HS6ST3: variants seen among roughly 807,000 people sequenced by gnomAD.
HS6ST3 encodes heparan-sulfate 6-O-sulfotransferase 3.
HS6ST3 carries 12 observed loss-of-function variants against 36.7 expected under a neutral mutation model. That is an observed-to-expected ratio of 0.33 (90% CI 0.21 to 0.53). HS6ST3 has a LOEUF of 0.53. Ranked by LOEUF, HS6ST3 falls within the 20% of genes least tolerant of loss-of-function variation. The pLI, the probability that HS6ST3 is intolerant of heterozygous loss-of-function variation, is 0.95. For synonymous variants in HS6ST3, 240 were observed against 257.5 expected, an observed-to-expected ratio of 0.93 and a Z score of 0.65; for missense variants, 584 against 640.9, an observed-to-expected ratio of 0.91 and a Z score of 0.96.
intron 1 of HS6ST3, among the ~76,000 whole-genome samples, chr13:96,162,851 GT>G (rs1327400909): frequency 1.3e-5 from 2 of 151,830 alleles, no homozygotes; most frequent in Non-Finnish European, 2.9e-5. Flanking sequence ...ATTAACTATT[GT>G]GTTTGGTTAT....
At chr13:96,400,931 A>T (rs2139457247) in intron 1 of HS6ST3, among the ~76,000 whole-genome samples, 1 of 152,284 alleles carries the variant, frequency 6.6e-6, no homozygotes, top group African/African-American at 2.4e-5. Flanking sequence ...TAAGGGAGAT[A>T]GAAATGGACA....
intron 1 of HS6ST3, among the ~76,000 whole-genome samples, chr13:96,831,980 A>AAAAAAAAAAAAAAC (rs1339637754): frequency 2.8e-5 from 4 of 141,906 alleles, no homozygotes; most frequent in African/African-American, 1.0e-4. Context: ...AAAAAAAAAA[A>AAAAAAAAAAAAAAC]CAGAGATTAA....
intron 1 of HS6ST3, among the ~76,000 whole-genome samples, chr13:96,523,022 G>T (rs113718305): frequency 6.6e-6 from 1 of 152,036 alleles, no homozygotes; most frequent in Non-Finnish European, 1.5e-5. Flanking sequence ...TCTATGTTTA[G>T]TGCTTCCTTC....
chr13:96,132,121 T>TACACAC lies in HS6ST3; in HGVS notation c.707+40598_707+40603dup, dbSNP rs60692669. ...TTTTTCAGACTGAATAGTATTCCAG[T>TACACAC]ACACACACACACACACACACACACA... On this transcript the variant is annotated intron_variant, in intron 1 of 1. Coordinates refer to ENST00000376705, the MANE Select transcript of HS6ST3 (RefSeq NM_153456.4). Among the ~76,000 whole-genome samples the TACACAC allele has an allele frequency of 3.5e-3, 474 of 134,588 alleles. 1 individual carries two copies. Among genetic ancestry groups the TACACAC allele is most frequent in the South Asian group, 6.5e-3 (24 of 3,670 alleles). The allele number at this position is 134,588 out of a possible 152,430, so 88.3% of individuals were successfully genotyped here. A position where few individuals can be genotyped will look rare whatever the true frequency, so the allele number is the denominator to read the frequency against.
At chr13:96,273,240 G>A (rs538658774) in intron 1 of HS6ST3, among the ~76,000 whole-genome samples, 1 of 152,040 alleles carries the variant, frequency 6.6e-6, no homozygotes, top group South Asian at 2.1e-4. Flanking sequence ...GCTATGGCTA[G>A]TTCTGACCAA....
At chr13:96,261,866 C>G (rs1211695318) in intron 1 of HS6ST3, among the ~76,000 whole-genome samples, 1 of 152,152 alleles carries the variant, frequency 6.6e-6, no homozygotes, top group Non-Finnish European at 1.5e-5. Flanking sequence ...CCAGACTAAT[C>G]CATTTCAGCC....
At chr13:96,692,033 T>C (rs1031663864) in intron 1 of HS6ST3, among the ~76,000 whole-genome samples, 3 of 152,180 alleles carry the variant, frequency 2.0e-5, no homozygotes, top group African/African-American at 7.2e-5. Context: ...TCATGTTTAT[T>C]ATGACTCAGA....
chr13:96,327,358 A>C (rs1331740855), intron 1 of HS6ST3, among the ~76,000 whole-genome samples: 1 of 152,030 alleles, frequency 6.6e-6, no homozygotes, highest in Non-Finnish European at 1.5e-5. Flanking sequence ...ATTTTTGTAT[A>C]AGGTGTAAGG....
At chr13:96,113,208 A>G (rs1392069898) in intron 1 of HS6ST3, among the ~76,000 whole-genome samples, 3 of 152,286 alleles carry the variant, frequency 2.0e-5, no homozygotes, top group Admixed American at 6.5e-5. Context: ...GGTGTTTACA[A>G]TAATCAAGCT....
intron 1 of HS6ST3, among the ~76,000 whole-genome samples, chr13:96,658,155 A>G (rs993957778): frequency 1.3e-5 from 2 of 151,274 alleles, no homozygotes; most frequent in Non-Finnish European, 2.9e-5. Flanking sequence ...AATGTCTGTG[A>G]GATTTATTCA....
intron 1 of HS6ST3, among the ~76,000 whole-genome samples, chr13:96,731,327 C>A (rs1321802687): frequency 1.3e-5 from 2 of 152,124 alleles, no homozygotes; most frequent in African/African-American, 2.4e-5. Flanking sequence ...TAAATGAAGT[C>A]ATGTGGTATT....
In HS6ST3 at chr13:96,765,775, A is replaced by AT. The variant is rs879483577; in HGVS notation, c.708-66705dup. Reference sequence around the variant, plus strand: ...AAATATAGACTGAGTTTTAAAGAGCATTTTTTTTTTCTTTTAGGAGTGTTG... The same window carrying AT: ...AAATATAGACTGAGTTTTAAAGAGCATTTTTTTTTTTCTTTTAGGAGTGTTG... On this transcript the variant is annotated intron_variant, in intron 1 of 1. Coordinates refer to ENST00000376705, the MANE Select transcript of HS6ST3 (RefSeq NM_153456.4). Among the ~76,000 whole-genome samples, 295 of 149,036 alleles carry AT rather than the reference A, an allele frequency of 2.0e-3. 3 individuals carry two copies. The highest frequency in any genetic ancestry group is 6.2e-3 in the African/African-American group (254 of 40,744).
intron 1 of HS6ST3, among the ~76,000 whole-genome samples, chr13:96,279,162 G>A (rs2054762665): frequency 1.3e-5 from 2 of 152,096 alleles, no homozygotes; most frequent in African/African-American, 2.4e-5. Context: ...TTCAGAAAAG[G>A]AAGAAAGCTT....
intron 1 of HS6ST3, among the ~76,000 whole-genome samples, chr13:96,200,976 C>T (rs966273578): frequency 1.3e-5 from 2 of 152,160 alleles, no homozygotes; most frequent in East Asian, 3.9e-4. Context: ...GCTGTGAGTT[C>T]ATGGCAGGTG....
intron 1 of HS6ST3, among the ~76,000 whole-genome samples, chr13:96,489,755 TCATGCACACA>T (rs2055935581): frequency 6.6e-6 from 1 of 152,126 alleles, no homozygotes; most frequent in South Asian, 2.1e-4. Context: ...AATCATACAC[TCATGCACACA>T]CATGCACTCT....
At chr13:96,251,998 G>A (rs986377518) in intron 1 of HS6ST3, among the ~76,000 whole-genome samples, 5 of 152,042 alleles carry the variant, frequency 3.3e-5, no homozygotes, top group Non-Finnish European at 7.4e-5. Context: ...TGTTCCATGT[G>A]TGCTTGAGAA....
intron 1 of HS6ST3, among the ~76,000 whole-genome samples, chr13:96,259,158 G>GTGTGTC (rs140664160): frequency 0.017 from 2,579 of 152,256 alleles, 31 homozygotes; most frequent in South Asian, 0.029. Context: ...GTGTGTGTCT[G>GTGTGTC]TGTGTTTGTG....
intron 1 of HS6ST3, among the ~76,000 whole-genome samples, chr13:96,333,890 G>A (rs960104491): frequency 2.6e-5 from 4 of 152,064 alleles, no homozygotes; most frequent in African/African-American, 2.4e-5. Context: ...GAGCTCCAGG[G>A]GGAAGCTTAT....
At chr13:96,797,174 A>G (rs1190911343) in intron 1 of HS6ST3, among the ~76,000 whole-genome samples, 1 of 152,092 alleles carries the variant, frequency 6.6e-6, no homozygotes, top group Non-Finnish European at 1.5e-5. Flanking sequence ...ACAAGGATGC[A>G]CAAGGGAGAT....
Sources: allele counts gnomAD v4.1 joint callset (sites outside exome capture counted in the v4.1 genomes callset), GRCh38; gene constraint gnomAD v4.1.1; transcripts MANE v1.5; gene names NCBI Gene and HGNC (gene_info 2026-07-23, HGNC 2026-07-21).